SRGN: variants seen among roughly 807,000 people sequenced by gnomAD.
SRGN encodes hematopoetic proteoglycan core peptide.
Under a neutral mutation model 9.5 loss-of-function variants are expected in SRGN, and 2 were observed. The ratio of observed to expected loss-of-function variants is 0.21; its 90% CI spans 0.09 to 0.66. The LOEUF is 0.66. Ranked by LOEUF, SRGN falls within the 30% of genes least tolerant of loss-of-function variation. SRGN has a pLI of 0.83. For synonymous variants in SRGN, 59 were observed against 72.3 expected, an observed-to-expected ratio of 0.82 and a Z score of 0.93; for missense variants, 170 against 192.4, an observed-to-expected ratio of 0.88 and a Z score of 0.69.
intron 2 of SRGN, among the ~76,000 whole-genome samples, chr10:69,097,564 C>G (rs147166958): frequency 3.3e-5 from 5 of 151,844 alleles, no homozygotes; most frequent in Non-Finnish European, 5.9e-5. Flanking sequence ...GTAGCTGGGA[C>G]TACAGGCACC....
chr10:69,090,489 G>A (rs935308346), intron 1 of SRGN, among the ~76,000 whole-genome samples: 2 of 152,208 alleles, frequency 1.3e-5, no homozygotes, highest in African/African-American at 4.8e-5. Context: ...AGGGTCGATC[G>A]CATTCTGAGG....
In SRGN at chr10:69,097,136, T is replaced by C; in HGVS notation, c.132T>C (p.Ser44=). The C allele has an allele frequency of 6.2e-7, 1 of 1,614,180 alleles. No individual in the cohort carries two copies. Among genetic ancestry groups the C allele is most frequent in the Non-Finnish European group, 8.5e-7 (1 of 1,180,000 alleles). ...AATGGGTGCGCTGCAATCCAGACAG[T>C]AATTCTGCAAACTGCCTTGAAGAAA... ...RYQWVRCNPD[S]NSANCLEEKG... The change falls in exon 2 of 3, where the codon AGT becomes AGC. Residue 44 remains serine, a synonymous_variant. Coordinates refer to ENST00000242465, the MANE Select transcript of SRGN (RefSeq NM_002727.4).
At chr10:69,093,499 A>AT (rs1840108632) in intron 1 of SRGN, among the ~76,000 whole-genome samples, 1 of 152,330 alleles carries the variant, frequency 6.6e-6, no homozygotes, top group East Asian at 1.9e-4. Context: ...AAGATGCTGG[A>AT]TTTTTATTTC....
At chr10:69,087,860 G>GA (rs1001150845), upstream of SRGN, among the ~76,000 whole-genome samples, 12 of 150,280 alleles carry the variant, frequency 8.0e-5, no homozygotes, top group African/African-American at 9.8e-5. Flanking sequence ...GTTTCGGTGG[G>GA]AAAAAAAAAT....
chr10:69,097,933 A>G (rs571868897), intron 2 of SRGN, among the ~76,000 whole-genome samples: 2 of 152,126 alleles, frequency 1.3e-5, no homozygotes, highest in African/African-American at 2.4e-5. Context: ...TTTTTCTTCA[A>G]GCTGTCCAGA....
intron 1 of SRGN, among the ~76,000 whole-genome samples, chr10:69,090,714 G>T (rs1036107200): frequency 6.6e-6 from 1 of 152,190 alleles, no homozygotes; most frequent in African/African-American, 2.4e-5. Flanking sequence ...TGGAACATAT[G>T]AATTTGGTGG....
At chr10:69,100,921 T>C (rs1432642895) in intron 2 of SRGN, among the ~76,000 whole-genome samples, 1 of 151,968 alleles carries the variant, frequency 6.6e-6, no homozygotes, top group Non-Finnish European at 1.5e-5. Context: ...GCTCAGGAAA[T>C]AGACAACCTC....
upstream of SRGN, chr10:69,088,073 T>C: frequency 8.2e-7 from 1 of 1,216,218 alleles, no homozygotes; most frequent in Non-Finnish European, 1.2e-6. Flanking sequence ...TTTTGGAACA[T>C]TTTCTAAAAG....
At chr10:69,103,130 G>A (rs1446750778) in intron 2 of SRGN, among the ~76,000 whole-genome samples, 2 of 152,002 alleles carry the variant, frequency 1.3e-5, no homozygotes, top group Non-Finnish European at 2.9e-5. Context: ...AGTAGAGACC[G>A]GGTTTCACTA....
chr10:69,095,861 G>A (rs1357717033), intron 1 of SRGN, among the ~76,000 whole-genome samples: 1 of 152,006 alleles, frequency 6.6e-6, no homozygotes, highest in African/African-American at 2.4e-5. Context: ...GCCATGAGCC[G>A]AGATCGTGAC....
At chr10:69,093,759 C>T (rs540183803) in intron 1 of SRGN, among the ~76,000 whole-genome samples, 106 of 152,016 alleles carry the variant, frequency 7.0e-4, no homozygotes, top group Non-Finnish European at 1.2e-3. Flanking sequence ...TCCAGCTAGT[C>T]GGGAGGCTGA....
intron 2 of SRGN, among the ~76,000 whole-genome samples, chr10:69,097,678 T>C (rs903882278): frequency 1.6e-4 from 24 of 152,104 alleles, no homozygotes; most frequent in East Asian, 5.8e-4. Context: ...CCGCCCGCCT[T>C]GACCTCCCAA....
intron 1 of SRGN, among the ~76,000 whole-genome samples, chr10:69,094,848 C>G (rs1469056963): frequency 6.6e-6 from 1 of 151,876 alleles, no homozygotes; most frequent in African/African-American, 2.4e-5. Context: ...GTGATCCTCC[C>G]ACCTCAGTCT....
At chr10:69,093,659 C>A (rs528300887) in intron 1 of SRGN, among the ~76,000 whole-genome samples, 167 of 152,258 alleles carry the variant, frequency 1.1e-3, no homozygotes, top group African/African-American at 3.8e-3. Flanking sequence ...GAGGGGATCA[C>A]GAGGTCAGGA....
chr10:69,092,717 C>A (rs955995488), intron 1 of SRGN, among the ~76,000 whole-genome samples: 2 of 148,488 alleles, frequency 1.3e-5, no homozygotes, highest in Non-Finnish European at 3.0e-5. Context: ...TCACTTGAAC[C>A]TGGGAGGTGG....
In SRGN at chr10:69,104,165, T is replaced by A; in HGVS notation, c.*45T>A. On this transcript the variant is annotated 3_prime_UTR_variant, in exon 3 of 3. Coordinates refer to ENST00000242465, the MANE Select transcript of SRGN (RefSeq NM_002727.4). Reference sequence around the variant, plus strand: ...GACACCAGGCAATGTAGTTAGCATATTTTATGTACCATGGTTATATGATTA... The same window carrying A: ...GACACCAGGCAATGTAGTTAGCATAATTTATGTACCATGGTTATATGATTA... 1 of 1,592,328 alleles carries A rather than the reference T, an allele frequency of 6.3e-7. No individual in the cohort carries two copies. The highest frequency in any genetic ancestry group is 8.6e-7 in the Non-Finnish European group (1 of 1,165,464).
chr10:69,091,879 C>CAAAAAAAAAAAAAAAAAAAAAAA (rs1177012248), intron 1 of SRGN, among the ~76,000 whole-genome samples: 23 of 31,758 alleles, frequency 7.2e-4, no homozygotes, highest in Non-Finnish European at 8.5e-4. Flanking sequence ...GACTCTGTCT[C>CAAAAAAAAAAAAAAAAAAAAAAA]AAAAAAAAAA....
In SRGN at chr10:69,097,066, T is replaced by C. The variant is rs1490976477; in HGVS notation, c.80-18T>C. The C allele has an allele frequency of 5.6e-6, 9 of 1,612,028 alleles. No homozygotes were observed. The highest frequency in any genetic ancestry group is 7.6e-6 in the Non-Finnish European group (9 of 1,179,098). On this transcript the variant is annotated intron_variant, in intron 1 of 2. Coordinates refer to ENST00000242465, the MANE Select transcript of SRGN (RefSeq NM_002727.4). ...CTGTGTAGTAGATACTTAGTAACAA[T>C]GTGGGTTCCTCGGGCAGGTTATCCT...
chr10:69,101,616 ATAAC>A (rs1235693161), intron 2 of SRGN, among the ~76,000 whole-genome samples: 1 of 151,854 alleles, frequency 6.6e-6, no homozygotes, highest in African/African-American at 2.4e-5. Context: ...CCTCTTCACA[ATAAC>A]ACCTCCTGAA....
Sources: allele counts gnomAD v4.1 joint callset (sites outside exome capture counted in the v4.1 genomes callset), GRCh38; gene constraint gnomAD v4.1.1; transcripts MANE v1.5; gene names NCBI Gene and HGNC (gene_info 2026-07-23, HGNC 2026-07-21).